NAV3: variants seen among roughly 807,000 people sequenced by gnomAD.
NAV3 encodes neuron navigator 3, also known as pore membrane and/or filament interacting like protein 1.
A neutral mutation model predicts 244.7 loss-of-function variants in NAV3; 87 were observed. The ratio of observed to expected loss-of-function variants is 0.36; its 90% confidence interval spans 0.30 to 0.42. The LOEUF (loss-of-function observed/expected upper bound fraction) is 0.42, where lower values mean the gene tolerates loss of function less well. NAV3 is among the 20% of genes least tolerant of loss of function. The probability of loss-of-function intolerance (pLI) is 1.00; values close to 1 mark genes in which losing one functional copy is unlikely to be tolerated. For missense variants in NAV3, 2,663 were observed against 2,893.3 expected (o/e 0.92, Z 1.83); for synonymous variants, 1,126 against 1,042.2 (o/e 1.08, Z -1.55).
chr12:78,087,514 G>C (rs888662416), intron 12 of NAV3, among the ~76,000 whole-genome samples: 26 of 151,954 alleles, frequency 1.7e-4, no homozygotes, highest in African/African-American at 6.0e-4. Flanking sequence ...CAGAGATGAG[G>C]TCGTAACCTG....
intron 9 of NAV3, among the ~76,000 whole-genome samples, chr12:78,040,802 T>A (rs1037358655): frequency 6.6e-6 from 1 of 152,180 alleles, no homozygotes; most frequent in African/African-American, 2.4e-5. Context: ...TGCCAATAAC[T>A]GTATGAAATC....
chr12:78,118,233 C>T lies in NAV3; in HGVS notation c.2976C>T (p.Gly992=), dbSNP rs1231649445. The change falls in exon 14 of 40, where the codon GGC becomes GGT. Residue 992 remains glycine (G), a synonymous_variant. Coordinates refer to ENST00000397909, the MANE Select transcript of NAV3 (RefSeq NM_001024383.2). ...CACAGACAGGTTCCTGGAGAAGAGG[C>T]ATGTCTGCCCAAGGAGGGGCGCCAT... ...SVSQTGSWRR[G]MSAQGGAPSR... is the part of the protein sequence containing the mutation. The T allele has an allele frequency of 6.2e-7, 1 of 1,613,598 alleles. No individual in the cohort carries two copies. The highest frequency in any genetic ancestry group is 8.5e-7 in the Non-Finnish European group (1 of 1,179,756).
chr12:77,908,315 T>C (rs1886214355), intron 1 of NAV3, among the ~76,000 whole-genome samples: 1 of 152,076 alleles, frequency 6.6e-6, no homozygotes. Flanking sequence ...AAGAAAGTAT[T>C]GGAGCTGACA....
chr12:77,945,550 C>A (rs1890256683), intron 3 of NAV3, among the ~76,000 whole-genome samples: 1 of 152,088 alleles, frequency 6.6e-6, no homozygotes, highest in Non-Finnish European at 1.5e-5. Context: ...TATTATTCTG[C>A]TTTTACAACT....
chr12:77,767,592 G>A (rs769009306), intron 2 of NAV3, among the ~76,000 whole-genome samples: 34 of 152,330 alleles, frequency 2.2e-4, no homozygotes, highest in Middle Eastern at 3.4e-3. Flanking sequence ...GTGGTGGGGC[G>A]GGCAGCTCCA....
At chr12:77,920,009 C>A (rs553121452) in intron 1 of NAV3, among the ~76,000 whole-genome samples, 1 of 151,890 alleles carries the variant, frequency 6.6e-6, no homozygotes. Context: ...TATAACTTAC[C>A]ACTAATTGAA....
At chr12:78,091,712 C>T (rs899108354) in intron 12 of NAV3, 10 of 144,770 alleles carry the variant, frequency 6.9e-5, no homozygotes, top group Admixed American at 6.4e-4. Context: ...AGGAGAATGG[C>T]GTGAACCCGG....
At chr12:77,584,842 A>T (rs1451682275) in intron 2 of NAV3, among the ~76,000 whole-genome samples, 1 of 152,086 alleles carries the variant, frequency 6.6e-6, no homozygotes, top group Non-Finnish European at 1.5e-5. Context: ...TTAGTATTTG[A>T]TTTCCCCCCT....
At chr12:77,918,789 A>G (rs543317903) in intron 1 of NAV3, among the ~76,000 whole-genome samples, 32 of 152,210 alleles carry the variant, frequency 2.1e-4, no homozygotes, top group Middle Eastern at 6.8e-3. Context: ...AGAGCAGCAA[A>G]TAAGCCAAAG....
chr12:78,210,433 T>C lies in NAV3; in HGVS notation c.7074T>C (p.Asn2358=). 1 of 1,613,664 alleles carries C rather than the reference T, an allele frequency of 6.2e-7. No homozygotes were observed. Among genetic ancestry groups the C allele is most frequent in the African/African-American group, 1.3e-5 (1 of 75,016 alleles). Residue 2358 remains asparagine (N), a synonymous_variant, in exon 40 of 40, where the codon AAT becomes AAC. Coordinates refer to ENST00000397909, the MANE Select transcript of NAV3 (RefSeq NM_001024383.2). ...NMLMKLQEAA[N]YSSTQSCDSE... is the part of the protein sequence containing the mutation. ...TAATGAAACTCCAAGAAGCAGCCAA[T>C]TACTCGAGCACACAAAGCTGCGACA...
chr12:77,721,587 T>C (rs914957227), intron 2 of NAV3, among the ~76,000 whole-genome samples: 7 of 152,124 alleles, frequency 4.6e-5, no homozygotes, highest in Non-Finnish European at 7.4e-5. Flanking sequence ...ACATGAAATA[T>C]AATCAAAGGT....
chr12:78,108,969 C>G (rs1249409922), intron 12 of NAV3, among the ~76,000 whole-genome samples: 1 of 151,782 alleles, frequency 6.6e-6, no homozygotes, highest in Non-Finnish European at 1.5e-5. Flanking sequence ...CAGAAAAGAA[C>G]TAAATCAAAT....
chr12:77,906,606 G>A lies in NAV3; in HGVS notation c.244-33713G>A, dbSNP rs187276712. On this transcript the variant is annotated intron_variant, in intron 1 of 39. Coordinates refer to ENST00000397909, the MANE Select transcript of NAV3 (RefSeq NM_001024383.2). ...TATTTTAGCAGACTATTAAAACTCC[G>A]ACTGAGCCACACAATCTGAGTTCAA... Among the ~76,000 whole-genome samples the A allele has an allele frequency of 4.6e-5, 7 of 152,106 alleles. No homozygotes were observed. In the East Asian group the frequency reaches 1.2e-3, roughly 25 times the overall value.
intron 2 of NAV3, among the ~76,000 whole-genome samples, chr12:77,784,727 A>G (rs1031518273): frequency 1.3e-5 from 2 of 152,160 alleles, no homozygotes; most frequent in Non-Finnish European, 2.9e-5. Flanking sequence ...AAGTATTAGA[A>G]GTGAGGCCAT....
chr12:77,739,853 A>G (rs113819257), intron 2 of NAV3, among the ~76,000 whole-genome samples: 5 of 152,308 alleles, frequency 3.3e-5, no homozygotes, highest in African/African-American at 9.6e-5. Context: ...GAGAGTGGCT[A>G]TGATTCTGGA....
At chr12:77,624,627 A>C (rs2136888637) in intron 2 of NAV3, among the ~76,000 whole-genome samples, 1 of 152,252 alleles carries the variant, frequency 6.6e-6, no homozygotes, top group African/African-American at 2.4e-5. Flanking sequence ...TGGAGTTTAC[A>C]GGATATGCTG....
At chr12:77,841,388 A>C (rs1034987253) in intron 1 of NAV3, among the ~76,000 whole-genome samples, 1 of 152,350 alleles carries the variant, frequency 6.6e-6, no homozygotes, top group Middle Eastern at 3.4e-3. Context: ...AAAATTTTTC[A>C]TAATGAAATG....
intron 2 of NAV3, among the ~76,000 whole-genome samples, chr12:77,604,156 C>T (rs1237039846): frequency 1.3e-5 from 2 of 152,000 alleles, no homozygotes; most frequent in African/African-American, 2.4e-5. Context: ...AGAGCAGTGC[C>T]AAGACCCAGA....
chr12:77,989,070 G>A (rs1019557381), intron 5 of NAV3, among the ~76,000 whole-genome samples: 4 of 152,044 alleles, frequency 2.6e-5, no homozygotes, highest in Non-Finnish European at 5.9e-5. Flanking sequence ...AAAAGTAGAG[G>A]CATATTGAAC....
Sources: allele counts gnomAD v4.1 joint callset (sites outside exome capture counted in the v4.1 genomes callset), GRCh38; gene constraint gnomAD v4.1.1; transcripts MANE v1.5; gene names NCBI Gene and HGNC (gene_info 2026-07-23, HGNC 2026-07-21).